The following DPP10 variants were observed in gnomAD, a reference collection of about 807,000 sequenced individuals.
DPP10 encodes inactive dipeptidyl peptidase 10.
In DPP10, 33 loss-of-function variants were observed where a neutral mutation model predicts 120.9. The ratio of observed to expected loss-of-function variants is 0.27; its 90% CI spans 0.21 to 0.37. The LOEUF is 0.37. Ranked by LOEUF, DPP10 falls within the 10% of genes least tolerant of loss-of-function variation. The pLI is 1.00. For synonymous variants in DPP10, 337 were observed against 326.1 expected (o/e 1.03, Z -0.36); for missense variants, 816 against 942.8 (o/e 0.87, Z 1.76).
At chr2:114,992,301 A>T (rs1317068651) in intron 1 of DPP10, among the ~76,000 whole-genome samples, 1 of 152,132 alleles carries the variant, frequency 6.6e-6, no homozygotes, top group Admixed American at 6.5e-5. Flanking sequence ...ACAGTTAATA[A>T]AATGTTAGAC....
At chr2:114,642,257 C>A (rs1009852772) in intron 1 of DPP10, among the ~76,000 whole-genome samples, 1 of 151,832 alleles carries the variant, frequency 6.6e-6, no homozygotes, top group African/African-American at 2.4e-5. Context: ...ATTATACAGT[C>A]ATGAAAAGAA....
intron 1 of DPP10, among the ~76,000 whole-genome samples, chr2:115,169,183 A>C (rs1476951628): frequency 6.6e-6 from 1 of 152,136 alleles, no homozygotes; most frequent in Admixed American, 6.5e-5. Context: ...TTATAATCCC[A>C]CTAAAATCAT....
intron 3 of DPP10, among the ~76,000 whole-genome samples, chr2:115,448,168 G>A (rs142711469): frequency 8.5e-5 from 13 of 152,290 alleles, no homozygotes; most frequent in African/African-American, 3.1e-4. Flanking sequence ...CACAGAATGA[G>A]ATGTGGCATA....
At chr2:114,543,510 A>T (rs1687116504) in intron 1 of DPP10, among the ~76,000 whole-genome samples, 1 of 152,142 alleles carries the variant, frequency 6.6e-6, no homozygotes, top group African/African-American at 2.4e-5. Context: ...CGAATGCTTC[A>T]CGCCGCCTCC....
chr2:114,676,956 T>C (rs2105678641), intron 1 of DPP10, among the ~76,000 whole-genome samples: 1 of 152,222 alleles, frequency 6.6e-6, no homozygotes, highest in African/African-American at 2.4e-5. Context: ...TGTTATTTTG[T>C]CATACTCACT....
intron 1 of DPP10, among the ~76,000 whole-genome samples, chr2:114,633,821 G>T (rs1347039865): frequency 6.6e-6 from 1 of 151,602 alleles, no homozygotes; most frequent in African/African-American, 2.4e-5. Context: ...CCTTATGTTA[G>T]CCAGACTGGT....
chr2:115,834,131 A>G (rs1689208097), intron 21 of DPP10, among the ~76,000 whole-genome samples: 1 of 152,200 alleles, frequency 6.6e-6, no homozygotes, highest in African/African-American at 2.4e-5. Context: ...TCTGAGTACT[A>G]TCTAAATATT....
At chr2:115,269,587 A>C (rs564872335) in intron 1 of DPP10, among the ~76,000 whole-genome samples, 1 of 152,070 alleles carries the variant, frequency 6.6e-6, no homozygotes, top group Admixed American at 6.6e-5. Context: ...GCTCTCTTTC[A>C]GTTGCTTGCT....
intron 3 of DPP10, among the ~76,000 whole-genome samples, chr2:115,422,331 T>C (rs970104334): frequency 6.6e-6 from 1 of 152,234 alleles, no homozygotes; most frequent in Admixed American, 6.5e-5. Context: ...ATTAGCTGTT[T>C]GTTTCAACCT....
chr2:115,627,608 G>GCTGCACCTATCAACCTATCA (rs1285264319), intron 5 of DPP10, among the ~76,000 whole-genome samples: 6 of 152,166 alleles, frequency 3.9e-5, no homozygotes, highest in Non-Finnish European at 7.3e-5. Context: ...ATGGTGGTTT[G>GCTGCACCTATCAACCTATCA]CTGCACCTAT....
chr2:115,346,163 C>A (rs17044234), intron 3 of DPP10, among the ~76,000 whole-genome samples: 3,459 of 152,218 alleles, frequency 0.023, 64 homozygotes, highest in Non-Finnish European at 0.036. Context: ...AGATACTTGG[C>A]CTATTTACGT....
chr2:114,980,525 G>T (rs1340721882), intron 1 of DPP10, among the ~76,000 whole-genome samples: 1 of 150,964 alleles, frequency 6.6e-6, no homozygotes, highest in Non-Finnish European at 1.5e-5. Flanking sequence ...AATTTAAAGG[G>T]CAAGCGATAC....
At chr2:114,460,542 G>A (rs4602230) in intron 1 of DPP10, among the ~76,000 whole-genome samples, 94,932 of 151,880 alleles carry the variant, frequency 0.63, 29,889 homozygotes, top group East Asian at 0.7. Flanking sequence ...TAAACAGGAT[G>A]ACACAAGGTG....
chr2:115,446,793 T>C (rs2072638634), intron 3 of DPP10, among the ~76,000 whole-genome samples: 1 of 152,174 alleles, frequency 6.6e-6, no homozygotes. Flanking sequence ...GTGTGAAGTT[T>C]GGCGATTACC....
At chr2:114,935,686 G>C (rs1696408658) in intron 1 of DPP10, among the ~76,000 whole-genome samples, 1 of 151,840 alleles carries the variant, frequency 6.6e-6, no homozygotes, top group South Asian at 2.1e-4. Context: ...TTGCTCAAGT[G>C]TGTGTGTGTG....
intron 3 of DPP10, among the ~76,000 whole-genome samples, chr2:115,403,566 A>G (rs1284093549): frequency 6.6e-6 from 1 of 151,812 alleles, no homozygotes; most frequent in Admixed American, 6.6e-5. Context: ...CACCCAGCTA[A>G]TTTTTGTATT....
chr2:115,664,870 CACATGTGGCCATTCATA>C (rs2089318947), intron 5 of DPP10, among the ~76,000 whole-genome samples: 1 of 132,476 alleles, frequency 7.5e-6, no homozygotes, highest in Admixed American at 7.4e-5. Flanking sequence ...CGCCACTAGT[CACATGTGGCCATTCATA>C]TTTACATTCA....
At chr2:114,872,246 C>T (rs1229844739) in intron 1 of DPP10, among the ~76,000 whole-genome samples, 4 of 152,110 alleles carry the variant, frequency 2.6e-5, no homozygotes, top group African/African-American at 9.7e-5. Context: ...GCAAACACGT[C>T]CTTCTTCACA....
intron 1 of DPP10, among the ~76,000 whole-genome samples, chr2:115,253,108 A>G (rs928326932): frequency 7.9e-5 from 12 of 152,252 alleles, no homozygotes; most frequent in Admixed American, 7.8e-4. Context: ...GGGAGCTTAC[A>G]ATCATGGAAG....
Sources: gnomAD v4.1 joint callset for allele counts (sites outside exome capture counted in the v4.1 genomes callset) on GRCh38, gnomAD v4.1.1 for gene constraint, MANE v1.5 for transcripts, NCBI Gene and HGNC (gene_info 2026-07-23, HGNC 2026-07-21) for gene names.